RBL2: variants seen among roughly 807,000 people sequenced by gnomAD.
The protein encoded by RBL2 is RB transcriptional corepressor like 2.
A neutral mutation model predicts 126.0 loss-of-function variants in RBL2; 56 were observed. The observed-to-expected ratio is 0.44, with a 90% CI of 0.36 to 0.56. The LOEUF (loss-of-function observed/expected upper bound fraction) is 0.56, where lower values mean the gene tolerates loss of function less well. Among genes scored for constraint, RBL2 ranks in the 20% least tolerant of loss-of-function variants. RBL2 has a pLI of 0.00. For synonymous variants in RBL2, 454 were observed against 478.5 expected (o/e 0.95, Z 0.67); for missense variants, 1,229 against 1,398.2 (o/e 0.88, Z 1.93).
intron 2 of RBL2, among the ~76,000 whole-genome samples, chr16:53,441,663 A>T (rs2058017557): frequency 6.6e-6 from 1 of 152,166 alleles, no homozygotes; most frequent in South Asian, 2.1e-4. Flanking sequence ...ACGTAATAAG[A>T]TATTGCTTAT....
chr16:53,453,661 C>G, intron 6 of RBL2, 44 bp from the exon 7 acceptor site: 1 of 1,602,320 alleles, frequency 6.2e-7, no homozygotes, highest in South Asian at 1.1e-5. Context: ...TGGAGAAAAA[C>G]TTGATTTAAC....
chr16:53,477,061 G>GTT (rs1247309817), intron 17 of RBL2, among the ~76,000 whole-genome samples: 1 of 145,228 alleles, frequency 6.9e-6, no homozygotes, highest in Non-Finnish European at 1.5e-5. Flanking sequence ...TTCATTTTGT[G>GTT]TGTGTGTGTG....
intron 5 of RBL2, among the ~76,000 whole-genome samples, chr16:53,452,264 T>G (rs1218720961): frequency 6.6e-6 from 1 of 152,050 alleles, no homozygotes; most frequent in Admixed American, 6.5e-5. Context: ...CTTTCATCTT[T>G]TAAACTAACA....
intron 2 of RBL2, among the ~76,000 whole-genome samples, chr16:53,439,954 CAAAAAAAAAAAAA>C (rs10591959): frequency 1.1e-5 from 1 of 91,966 alleles, no homozygotes; most frequent in African/African-American, 4.0e-5. Flanking sequence ...ACCTTGTCTC[CAAAAAAAAAAAAA>C]AAAAAAAAAA....
chr16:53,472,997 C>T (rs1017449432), intron 17 of RBL2, among the ~76,000 whole-genome samples: 9 of 152,154 alleles, frequency 5.9e-5, no homozygotes, highest in Non-Finnish European at 1.3e-4. Flanking sequence ...CCTTTAAAAT[C>T]AATTGACCGT....
At chr16:53,469,392 T>C (rs2058299868) in intron 14 of RBL2, among the ~76,000 whole-genome samples, 1 of 151,574 alleles carries the variant, frequency 6.6e-6, no homozygotes, top group Non-Finnish European at 1.5e-5. Flanking sequence ...TGAGTTTTAA[T>C]AATTTTTTAT....
At chr16:53,442,582 T>C (rs1204729743) in intron 2 of RBL2, 76 bp from the exon 3 acceptor site, 13 of 1,086,948 alleles carry the variant, frequency 1.2e-5, no homozygotes, top group Non-Finnish European at 1.5e-5. Flanking sequence ...TAATATTGAT[T>C]TACTTTTGAA....
In RBL2 at chr16:53,480,547, C is replaced by G. The variant is rs1567746521; in HGVS notation, c.2882-20C>G. ...TATTAGCAGCCTTTGTACTGACAGC[C>G]TTTGTTCTCCTGGCTGCAGCCAGTA... On this transcript the variant is annotated intron_variant, in intron 19 of 21. Transcript: ENST00000262133. The G allele has an allele frequency of 1.2e-6, 2 of 1,602,216 alleles. No individual in the cohort carries two copies. The highest frequency in any genetic ancestry group is 1.7e-6 in the Non-Finnish European group (2 of 1,174,258).
At chr16:53,489,649 G>A (rs575403315) in intron 21 of RBL2, 1 of 152,274 alleles carries the variant, frequency 6.6e-6, no homozygotes, top group South Asian at 2.1e-4. Flanking sequence ...AGCTACAATG[G>A]ATACCTTAGG....
intron 1 of RBL2, among the ~76,000 whole-genome samples, chr16:53,438,324 T>TA (rs1392702800): frequency 8.5e-5 from 13 of 152,182 alleles, no homozygotes; most frequent in Non-Finnish European, 1.6e-4. Context: ...GCTAAATTCT[T>TA]ACATGTTGGT....
intron 13 of RBL2, among the ~76,000 whole-genome samples, chr16:53,466,484 G>A (rs2058273267): frequency 6.6e-6 from 1 of 151,772 alleles, no homozygotes; most frequent in South Asian, 2.1e-4. Context: ...GGAGCCCTGA[G>A]CTTGTTTTCC....
At position 53,440,141 on chromosome 16, in the gene RBL2, C is replaced by A. The variant is rs143418252; in HGVS notation, c.371+995C>A. Among the ~76,000 whole-genome samples the A allele has an allele frequency of 4.6e-5, 7 of 151,960 alleles. No individual in the cohort carries two copies. In the East Asian group the frequency reaches 1.4e-3, roughly 29 times the overall value. On this transcript the variant is annotated intron_variant, in intron 2 of 21. Coordinates refer to ENST00000262133, the MANE Select transcript of RBL2 (RefSeq NM_005611.4). Reference sequence around the variant, plus strand: ...TGAAACCCCGTCTCAACTAAAAATACAAAAATTAGCCGAGTGTGGTGACAT... The same window carrying A: ...TGAAACCCCGTCTCAACTAAAAATAAAAAAATTAGCCGAGTGTGGTGACAT...
At position 53,490,514 on chromosome 16, in the gene RBL2, G is replaced by C; in HGVS notation, c.*214G>C. 2.5e-6 allele frequency: 1 copy of C among 393,100 alleles called. No individual in the cohort carries two copies. Among genetic ancestry groups the C allele is most frequent in the Non-Finnish European group, 4.5e-6 (1 of 224,288 alleles). The allele number at this position is 393,100 out of a possible 1,614,324, so 24.4% of individuals were successfully genotyped here. A position where few individuals can be genotyped will look rare whatever the true frequency, so the allele number is the denominator to read the frequency against. On this transcript the variant is annotated 3_prime_UTR_variant, in exon 22 of 22. Coordinates refer to ENST00000262133, the MANE Select transcript of RBL2 (RefSeq NM_005611.4). ...ACTGTCTTTTTTTCCCTACCATTCA[G>C]TGATTACTGTCAAGGCTGCTTAGAA... is the stretch of plus-strand genomic sequence containing the variant.
intron 21 of RBL2, among the ~76,000 whole-genome samples, chr16:53,485,459 A>T (rs1346447392): frequency 1.3e-5 from 2 of 152,248 alleles, no homozygotes; most frequent in African/African-American, 4.8e-5. Flanking sequence ...AAAGGTCTCA[A>T]ATTAGTGACC....
chr16:53,484,366 G>A (rs910648086), intron 21 of RBL2, among the ~76,000 whole-genome samples: 1 of 152,202 alleles, frequency 6.6e-6, no homozygotes, highest in African/African-American at 2.4e-5. Flanking sequence ...GCATTTAAAT[G>A]TAAATGGTCT....
Position 53,438,434 on chromosome 16 carries a change from G to A in RBL2, c.241-582G>A, listed in dbSNP as rs117189134. 7.7e-3 allele frequency among the ~76,000 whole-genome samples: 1,175 copies of A among 152,280 alleles called. 7 individuals are homozygous for A. The highest frequency in any genetic ancestry group is 0.012 in the Non-Finnish European group (847 of 68,018). ...ATTACATAGTTTCACTTCTACCTCT[G>A]CAATTATTGATAGAGACAGTTAATC... On this transcript the variant is annotated intron_variant, in intron 1 of 21. Transcript: ENST00000262133.
chr16:53,481,844 A>G lies in RBL2; in HGVS notation c.3249+9A>G, dbSNP rs1323076438. The G allele has an allele frequency of 2.6e-6, 4 of 1,567,188 alleles. No homozygotes were observed. The highest frequency in any genetic ancestry group is 1.8e-6 in the Non-Finnish European group (2 of 1,137,434). ...GCAACAGTCCTTCAAAGGTGAGCCT[A>G]ACATCAATCTTGGCCTTTACTAACC... On this transcript the variant is annotated intron_variant, in intron 21 of 21. Coordinates refer to ENST00000262133, the MANE Select transcript of RBL2 (RefSeq NM_005611.4).
intron 11 of RBL2, 97 bp from the exon 12 acceptor site, chr16:53,464,129 T>G (rs1478126695): frequency 5.2e-5 from 55 of 1,053,650 alleles, no homozygotes; most frequent in Non-Finnish European, 6.4e-5. Context: ...ACTCAGAAAA[T>G]GAGACTTTCT....
intron 21 of RBL2, among the ~76,000 whole-genome samples, chr16:53,484,882 C>T (rs746193712): frequency 6.6e-6 from 1 of 152,018 alleles, no homozygotes; most frequent in Non-Finnish European, 1.5e-5. Flanking sequence ...ACCATGCTAC[C>T]ACTCATGAAA....
Sources: gnomAD v4.1 joint callset for allele counts (sites outside exome capture counted in the v4.1 genomes callset) on GRCh38, gnomAD v4.1.1 for gene constraint, MANE v1.5 for transcripts, NCBI Gene and HGNC (gene_info 2026-07-23, HGNC 2026-07-21) for gene names.